NCAPD2: variants seen among roughly 807,000 people sequenced by gnomAD.
NCAPD2 encodes non-SMC condensin I complex subunit D2, also known as condensin complex subunit 1.
A neutral mutation model predicts 164.5 loss-of-function variants in NCAPD2; 100 were observed. The ratio of observed to expected loss-of-function variants is 0.61; its 90% confidence interval spans 0.52 to 0.72. The LOEUF (loss-of-function observed/expected upper bound fraction) is 0.72. Ranked by LOEUF, NCAPD2 falls within the 30% of genes least tolerant of loss-of-function variation. The pLI, the probability that NCAPD2 is intolerant of heterozygous loss-of-function variation, is 0.00. For synonymous variants in NCAPD2, 585 were observed against 642.6 expected (o/e 0.91, Z 1.36); for missense variants, 1,560 against 1,749.2 (o/e 0.89, Z 1.93).
At chr12:6,494,488 G>GAT (rs1023530977) in intron 1 of NCAPD2, among the ~76,000 whole-genome samples, 3 of 152,188 alleles carry the variant, frequency 2.0e-5, no homozygotes, top group African/African-American at 4.8e-5. Context: ...GATCAGATAT[G>GAT]ATACATGCAA....
chr12:6,521,257 G>A (rs1946261050), intron 14 of NCAPD2, 147 bp downstream of exon 14: 5 of 974,754 alleles, frequency 5.1e-6, no homozygotes, highest in Admixed American at 2.6e-5. Context: ...CTCTGGAATG[G>A]AAGCAGCCCA....
intron 9 of NCAPD2, 63 bp downstream of exon 9, chr12:6,514,983 C>T: frequency 6.4e-7 from 1 of 1,567,828 alleles, no homozygotes; most frequent in Non-Finnish European, 8.8e-7. Flanking sequence ...TGTTGAAAGG[C>T]TGTTTCTTAA....
Position 6,504,196 on chromosome 12 carries a change from T to TAC in NCAPD2, c.128-5520_128-5519insCA, listed in dbSNP as rs1385610511. Among the ~76,000 whole-genome samples, 402 of 92,846 alleles carry TAC rather than the reference T, an allele frequency of 4.3e-3. 10 individuals are homozygous for TAC. Among genetic ancestry groups the TAC allele is most frequent in the African/African-American group, 0.015 (359 of 24,534 alleles). 60.9% of individuals were successfully genotyped at this position (92,846 alleles called of 152,430 possible). On this transcript the variant is annotated intron_variant, in intron 2 of 31. Coordinates refer to ENST00000315579, the MANE Select transcript of NCAPD2 (RefSeq NM_014865.4). The stretch of plus-strand genomic sequence containing the variant: ...ATATATATATACATATATATATATA[T>TAC]ATATATATATATATATATATAGATA...
intron 17 of NCAPD2, among the ~76,000 whole-genome samples, chr12:6,524,100 G>A (rs550704151): frequency 1.3e-5 from 2 of 152,298 alleles, no homozygotes; most frequent in Admixed American, 6.5e-5. Flanking sequence ...TTCAAACTCA[G>A]GCAATAAGAG....
chr12:6,518,533 T>TTTTTTTTTTTTTTTTG (rs1565544225), intron 13 of NCAPD2, among the ~76,000 whole-genome samples: 1 of 138,600 alleles, frequency 7.2e-6, no homozygotes, highest in Non-Finnish European at 1.5e-5. Context: ...TTTTTTTTTT[T>TTTTTTTTTTTTTTTTG]TGAGATGGAG....
chr12:6,499,866 A>G (rs1307420412), intron 2 of NCAPD2, among the ~76,000 whole-genome samples: 1 of 152,004 alleles, frequency 6.6e-6, no homozygotes, highest in Non-Finnish European at 1.5e-5. Flanking sequence ...CACACCTGTA[A>G]TCCTAGCACT....
Position 6,516,888 on chromosome 12 carries a change from A to G in NCAPD2, c.1048A>G (p.Ser350Gly). The change falls in exon 10 of 32, where the codon AGT becomes GGT. Residue 350 changes from serine (S) to glycine (G), a missense_variant. Ser to Gly is a moderately conservative substitution (Grantham distance 56). Transcript: ENST00000315579. ...GGCGGAGATGGTGCTGCAGGTTCTC[A>G]GTGGCGATCAACTGGAAGCAGCAGC... The part of the protein sequence containing the change: ...AMAEMVLQVL[S>G]GDQLEAAARD... The G allele has an allele frequency of 1.2e-6, 2 of 1,614,160 alleles. No individual in the cohort carries two copies. The highest frequency in any genetic ancestry group is 1.3e-5 in the African/African-American group (1 of 75,058).
In NCAPD2 at chr12:6,531,111, C is replaced by G. The variant is rs750641898; in HGVS notation, c.4120+35C>G. On this transcript the variant is annotated intron_variant, in intron 31 of 31. Transcript: ENST00000315579. The surrounding 1 kb of genome is among the most constrained non-coding windows in gnomAD (Gnocchi z 4.1). ...TCCCGCCTGTTCCCGGCCGAGAAGG[C>G]ACACAGCTAGGGTGCAGAGGGCTGG... 6 of 1,611,296 alleles carry G rather than the reference C, an allele frequency of 3.7e-6. No homozygotes were observed. In the Admixed American group the frequency reaches 1.0e-4, roughly 27 times the overall value.
intron 2 of NCAPD2, among the ~76,000 whole-genome samples, chr12:6,504,220 T>TATATACACATATATATACATATACAC (rs1565539620): frequency 3.9e-5 from 1 of 25,352 alleles, no homozygotes. Flanking sequence ...TATATATAGA[T>TATATACACATATATATACATATACAC]ATAGATATAT....
intron 22 of NCAPD2, 116 bp from the exon 23 acceptor site, chr12:6,527,661 C>G (rs1946329107): frequency 3.4e-6 from 3 of 873,834 alleles, no homozygotes; most frequent in Non-Finnish European, 5.5e-6. Context: ...TGACAATTCT[C>G]TAAATGTTTT....
intron 17 of NCAPD2, among the ~76,000 whole-genome samples, chr12:6,524,270 G>A (rs992717788): frequency 6.6e-6 from 1 of 152,094 alleles, no homozygotes; most frequent in African/African-American, 2.4e-5. Flanking sequence ...GAGCAAGGAG[G>A]GAGGGCATTT....
In NCAPD2 at chr12:6,510,761, A is replaced by C. The variant is rs574851318; in HGVS notation, c.395A>C (p.Glu132Ala). ...YALIRLLESF[E>A]TMASQTNLVD... ...CTGATACGTCTCCTGGAATCCTTTG[A>C]GACCATGGCCAGCCAGACAAACCTT... The change falls in exon 5 of 32, where the codon GAG becomes GCG. Residue 132 changes from glutamate (E) to alanine (A), a missense_variant. Glu to Ala is a moderately radical substitution (Grantham distance 107, BLOSUM62 -1). Coordinates refer to ENST00000315579, the MANE Select transcript of NCAPD2 (RefSeq NM_014865.4). 3 of 1,614,180 alleles carry C rather than the reference A, an allele frequency of 1.9e-6. No homozygotes were observed. In the African/African-American group the frequency reaches 4.0e-5, roughly 22 times the overall value.
intron 13 of NCAPD2, among the ~76,000 whole-genome samples, chr12:6,520,652 T>TAA (rs1946255576): frequency 6.6e-6 from 1 of 152,242 alleles, no homozygotes; most frequent in Admixed American, 6.5e-5. Context: ...TTATTGTTTC[T>TAA]AAACTTAGGA....
At position 6,525,950 on chromosome 12, in the gene NCAPD2, A is replaced by G. The variant is rs530038233; in HGVS notation, c.2349-118A>G. 755 of 1,381,080 alleles carry G rather than the reference A, an allele frequency of 5.5e-4. 8 individuals carry two copies. The South Asian group carries it at 9.2e-3, about 17-fold the overall frequency. 85.6% of individuals were successfully genotyped at this position (1,381,080 alleles called of 1,614,324 possible). A position where few individuals can be genotyped will look rare whatever the true frequency, so the allele number is the denominator to read the frequency against. ...GCTGGCCCTGCGGCAGAGCCACGCTATAGTGCTCCACGGCTCTAGACACCA... is the reference window on the plus strand; with the variant it reads ...GCTGGCCCTGCGGCAGAGCCACGCTGTAGTGCTCCACGGCTCTAGACACCA... On this transcript the variant is annotated intron_variant, in intron 18 of 31. Coordinates refer to ENST00000315579, the MANE Select transcript of NCAPD2 (RefSeq NM_014865.4).
intron 13 of NCAPD2, among the ~76,000 whole-genome samples, chr12:6,518,357 A>AAATTTCAT (rs1946223582): frequency 6.6e-6 from 1 of 152,058 alleles, no homozygotes. Flanking sequence ...TTCTAATTCT[A>AAATTTCAT]AATTTCATGA....
chr12:6,497,660 C>T (rs1945996530), intron 2 of NCAPD2, among the ~76,000 whole-genome samples: 1 of 152,026 alleles, frequency 6.6e-6, no homozygotes, highest in Non-Finnish European at 1.5e-5. Context: ...CCTTCTGTCA[C>T]CCAGGCTGGA....
At chr12:6,518,680 C>A (rs528859338) in intron 13 of NCAPD2, among the ~76,000 whole-genome samples, 1 of 150,670 alleles carries the variant, frequency 6.6e-6, no homozygotes, top group African/African-American at 2.4e-5. Flanking sequence ...ACCACCACAC[C>A]GCACTAATTT....
intron 2 of NCAPD2, among the ~76,000 whole-genome samples, chr12:6,495,481 C>T (rs1945970901): frequency 6.6e-6 from 1 of 152,102 alleles, no homozygotes; most frequent in Non-Finnish European, 1.5e-5. Context: ...AGTTATTTTC[C>T]ATCTTTACCC....
chr12:6,521,846 A>G lies in NCAPD2; in HGVS notation c.1763A>G (p.Asn588Ser). 6.2e-7 allele frequency: 1 copy of G among 1,614,176 alleles called. No homozygotes were observed. ...AAGAATCCCCGGGAGTCTACAGGAA[A>G]CATGGTCACAGGACAGACTGTCTGT... ...QEKNPRESTG[N>S]MVTGQTVCKN... The change falls in exon 15 of 32, where the codon AAC becomes AGC. Residue 588 changes from asparagine to serine, a missense_variant. Coordinates refer to ENST00000315579, the MANE Select transcript of NCAPD2 (RefSeq NM_014865.4).
Sources: gnomAD v4.1 joint callset for allele counts (sites outside exome capture counted in the v4.1 genomes callset) on GRCh38, gnomAD v4.1.1 for gene constraint, Gnocchi (gnomAD v3.1) non-coding constraint, MANE v1.5 for transcripts, NCBI Gene and HGNC (gene_info 2026-07-23, HGNC 2026-07-21) for gene names.